B3GALT5: variants seen among roughly 807,000 people sequenced by gnomAD.
B3GALT5 encodes UDP-Gal:betaGlcNAc beta 1,3-galactosyltransferase, polypeptide 5.
For synonymous variants in B3GALT5, 156 were observed against 158.6 expected, an observed-to-expected ratio of 0.98 and a Z score of 0.12; for missense variants, 328 against 396.6, an observed-to-expected ratio of 0.83 and a Z score of 1.47.
intron 1 of B3GALT5, among the ~76,000 whole-genome samples, chr21:39,643,879 T>C (rs2079313127): frequency 6.6e-6 from 1 of 152,214 alleles, no homozygotes; most frequent in Admixed American, 6.5e-5. Context: ...CCTCTGTGGC[T>C]TATTTTGTAG....
intron 1 of B3GALT5, among the ~76,000 whole-genome samples, chr21:39,641,841 T>C (rs1197887686): frequency 1.3e-5 from 2 of 152,234 alleles, no homozygotes; most frequent in Non-Finnish European, 2.9e-5. Context: ...TATAAGTCCC[T>C]GGTAAAAGTG....
Position 39,662,298 on chromosome 21 carries a change from T to A in B3GALT5, c.*806T>A, listed in dbSNP as rs1234553199. On this transcript the variant is annotated 3_prime_UTR_variant, in exon 4 of 4. Transcript: ENST00000684187. ...GCTGACCTGCCTAGCGAGCAGGACATCCCTTCTGAGCCATCTGCTGCTCTC... is the reference window on the plus strand; with the variant it reads ...GCTGACCTGCCTAGCGAGCAGGACAACCCTTCTGAGCCATCTGCTGCTCTC... 1 of 167,128 alleles carries A rather than the reference T, an allele frequency of 6.0e-6. No individual in the cohort carries two copies. Among genetic ancestry groups the A allele is most frequent in the African/African-American group, 2.4e-5 (1 of 41,446 alleles). The allele number at this position is 167,128 out of a possible 1,614,324, so 10.4% of individuals were successfully genotyped here.
intron 2 of B3GALT5, among the ~76,000 whole-genome samples, chr21:39,659,364 G>A (rs1042498332): frequency 3.3e-5 from 5 of 152,186 alleles, no homozygotes; most frequent in Admixed American, 6.5e-5. Flanking sequence ...TGCCGCTATT[G>A]TGTTAAGAAT....
At chr21:39,618,615 G>A (rs1046434310) in intron 1 of B3GALT5, among the ~76,000 whole-genome samples, 2 of 152,116 alleles carry the variant, frequency 1.3e-5, no homozygotes, top group African/African-American at 4.8e-5. Flanking sequence ...GCCTGTTCAT[G>A]TATTTTGATC....
chr21:39,614,614 T>C (rs1008761752), intron 1 of B3GALT5, among the ~76,000 whole-genome samples: 2 of 152,196 alleles, frequency 1.3e-5, no homozygotes, highest in African/African-American at 2.4e-5. Context: ...ATGGCCAAAC[T>C]TCTCCACACG....
intron 1 of B3GALT5, among the ~76,000 whole-genome samples, chr21:39,624,234 A>C (rs2079152323): frequency 6.6e-6 from 1 of 152,116 alleles, no homozygotes; most frequent in Non-Finnish European, 1.5e-5. Flanking sequence ...CCCCCCATAA[A>C]ACATACATGT....
At chr21:39,648,076 G>A (rs1199326487) in intron 2 of B3GALT5, among the ~76,000 whole-genome samples, 1 of 152,062 alleles carries the variant, frequency 6.6e-6, no homozygotes, top group Non-Finnish European at 1.5e-5. Context: ...AGCTTATTGT[G>A]TAATCAAATC....
chr21:39,626,519 T>C (rs1330148425), intron 1 of B3GALT5, among the ~76,000 whole-genome samples: 1 of 152,228 alleles, frequency 6.6e-6, no homozygotes, highest in Non-Finnish European at 1.5e-5. Context: ...TTTTCCACAC[T>C]GGCTGCACCA....
intron 1 of B3GALT5, among the ~76,000 whole-genome samples, chr21:39,628,995 ACTCTTAACATC>A (rs2079178245): frequency 6.6e-6 from 1 of 151,312 alleles, no homozygotes; most frequent in Non-Finnish European, 1.5e-5. Context: ...CACATGCAGA[ACTCTTAACATC>A]CTCTTAACAT....
At chr21:39,660,417 C>T in intron 3 of B3GALT5, 143 bp from the exon 4 acceptor site, 1 of 581,860 alleles carries the variant, frequency 1.7e-6, no homozygotes, top group Non-Finnish European at 2.7e-6. Flanking sequence ...AACTGTTTAA[C>T]CACACAGCAC....
intron 1 of B3GALT5, among the ~76,000 whole-genome samples, chr21:39,627,000 C>T (rs1039589292): frequency 6.6e-6 from 1 of 152,176 alleles, no homozygotes; most frequent in Non-Finnish European, 1.5e-5. Flanking sequence ...CATCTCTTCC[C>T]ACATTCCATA....
chr21:39,639,977 T>C (rs1186451351), intron 1 of B3GALT5, among the ~76,000 whole-genome samples: 1 of 150,096 alleles, frequency 6.7e-6, no homozygotes, highest in Admixed American at 6.7e-5. Context: ...AAAATGTAAA[T>C]AAATAACTGT....
At chr21:39,642,373 C>G (rs533945794) in intron 1 of B3GALT5, among the ~76,000 whole-genome samples, 1 of 152,042 alleles carries the variant, frequency 6.6e-6, no homozygotes, top group African/African-American at 2.4e-5. Context: ...CTGGGGAAAC[C>G]GAGAGGATGG....
chr21:39,634,772 G>T (rs939756374), intron 1 of B3GALT5, among the ~76,000 whole-genome samples: 1 of 152,114 alleles, frequency 6.6e-6, no homozygotes, highest in African/African-American at 2.4e-5. Context: ...CAGGCCAGGT[G>T]ATCTTGAACC....
intron 2 of B3GALT5, among the ~76,000 whole-genome samples, chr21:39,652,531 C>T (rs1456852886): frequency 6.6e-6 from 1 of 152,234 alleles, no homozygotes; most frequent in Non-Finnish European, 1.5e-5. Flanking sequence ...GAGATGTGAA[C>T]CAGGGCCTTC....
In B3GALT5 at chr21:39,666,499, G is replaced by GGCC. The variant is rs1201134185; in HGVS notation, c.*5008_*5010dup. On this transcript the variant is annotated 3_prime_UTR_variant, in exon 4 of 4. Coordinates refer to ENST00000684187, the MANE Select transcript of B3GALT5 (RefSeq NM_001356336.2). Reference sequence around the variant, plus strand: ...AGTAGAGACGGGGTTTCACCATGTTGGCCAGGCTGGTCTTGAGCTCCTGAC... The same window carrying GGCC: ...AGTAGAGACGGGGTTTCACCATGTTGGCCGCCAGGCTGGTCTTGAGCTCCTGAC... 1 of 152,242 alleles carries GGCC rather than the reference G, an allele frequency of 6.6e-6. No homozygotes were observed. Among genetic ancestry groups the GGCC allele is most frequent in the Admixed American group, 6.5e-5 (1 of 15,282 alleles). 9.4% of individuals were successfully genotyped at this position (152,242 alleles called of 1,614,324 possible). A position where few individuals can be genotyped will look rare whatever the true frequency, so the allele number is the denominator to read the frequency against.
intron 1 of B3GALT5, among the ~76,000 whole-genome samples, chr21:39,631,120 T>C (rs1316439330): frequency 2.6e-5 from 4 of 152,180 alleles, no homozygotes; most frequent in Non-Finnish European, 4.4e-5. Context: ...ATTGTTTTCA[T>C]GTAGTAAATG....
At chr21:39,627,560 TCCC>T (rs72249125) in intron 1 of B3GALT5, among the ~76,000 whole-genome samples, 1 of 151,686 alleles carries the variant, frequency 6.6e-6, no homozygotes, top group Non-Finnish European at 1.5e-5. Flanking sequence ...CACCTCCATT[TCCC>T]CCCAACCTTT....
At chr21:39,627,265 C>T (rs949316191) in intron 1 of B3GALT5, among the ~76,000 whole-genome samples, 2 of 152,150 alleles carry the variant, frequency 1.3e-5, no homozygotes, top group Admixed American at 1.3e-4. Flanking sequence ...CCTGTGATGC[C>T]ATGAAGGGGA....
Sources: gnomAD v4.1 joint callset for allele counts (sites outside exome capture counted in the v4.1 genomes callset) on GRCh38, gnomAD v4.1.1 for gene constraint, MANE v1.5 for transcripts, NCBI Gene and HGNC (gene_info 2026-07-23, HGNC 2026-07-21) for gene names.